SMIM28: variants seen among roughly 807,000 people sequenced by gnomAD.
SMIM28 encodes the protein small integral membrane protein 28.
intron 1 of SMIM28, among the ~76,000 whole-genome samples, chr6:138,380,245 T>C (rs1163293964): frequency 1.3e-5 from 2 of 152,222 alleles, no homozygotes; most frequent in Non-Finnish European, 2.9e-5. Flanking sequence ...TAGAACATTA[T>C]AGGAATTCAA....
rs561720723 is a variant in SMIM28, at chr6:138,382,254, G to A, written c.112-246G>A. On this transcript the variant is annotated intron_variant, in intron 1 of 1. Transcript: ENST00000573100. ...TCTACTAAAAATACAAAAATTAGCC[G>A]GGCGTGGTGGCGCATGCCTGTAATG... 1.1e-4 allele frequency among the ~76,000 whole-genome samples: 17 copies of A among 151,974 alleles called. No homozygotes were observed. The South Asian group carries it at 1.9e-3, about 17-fold the overall frequency.
At chr6:138,378,249 A>C in intron 1 of SMIM28, 66 bp downstream of exon 1, 5 of 397,960 alleles carry the variant, frequency 1.3e-5, no homozygotes, top group Non-Finnish European at 2.2e-5. Flanking sequence ...AATCCATAAT[A>C]TCTATGGTTT....
Position 138,382,916 on chromosome 6 carries a change from C to A in SMIM28, c.*69C>A. 2 of 398,170 alleles carry A rather than the reference C, an allele frequency of 5.0e-6. No individual in the cohort carries two copies. The highest frequency in any genetic ancestry group is 1.3e-4 in the South Asian group (1 of 7,496). 24.7% of individuals were successfully genotyped at this position (398,170 alleles called of 1,614,324 possible). A position where few individuals can be genotyped will look rare whatever the true frequency, so the allele number is the denominator to read the frequency against. ...GGGAATCATACAAAACACAGCTCTC[C>A]ACCTTTAATACAGCACCCATGAGAA... On this transcript the variant is annotated 3_prime_UTR_variant, in exon 2 of 2. Transcript: ENST00000573100.
chr6:138,383,156 G>T lies in SMIM28; in HGVS notation c.*309G>T. The stretch of plus-strand genomic sequence containing the variant: ...AGAAAAAAAGGAAAGTTCTATGTGA[G>T]TTGAAAAAAAAAAAAACACTTAATT... On this transcript the variant is annotated 3_prime_UTR_variant, in exon 2 of 2. Coordinates refer to ENST00000573100, the MANE Select transcript of SMIM28 (RefSeq NM_001368163.3). 13 of 168,714 alleles carry T rather than the reference G, an allele frequency of 7.7e-5. No homozygotes were observed. The highest frequency in any genetic ancestry group is 1.5e-4 in the East Asian group (1 of 6,816). 10.5% of individuals were successfully genotyped at this position (168,714 alleles called of 1,614,324 possible).
Position 138,382,937 on chromosome 6 carries a change from G to A in SMIM28, c.*90G>A. On this transcript the variant is annotated 3_prime_UTR_variant, in exon 2 of 2. Transcript: ENST00000573100. ...TCTCCACCTTTAATACAGCACCCAT[G>A]AGAAGAGGGAGAAGGGCCCCTAGAC... The A allele has an allele frequency of 2.5e-6, 1 of 397,592 alleles. No homozygotes were observed. 24.6% of individuals were successfully genotyped at this position (397,592 alleles called of 1,614,324 possible).
intron 1 of SMIM28, 110 bp downstream of exon 1, chr6:138,378,293 T>A (rs1774277191): frequency 2.5e-6 from 1 of 396,398 alleles, no homozygotes; most frequent in African/African-American, 2.1e-5. Flanking sequence ...GCATTTTGTC[T>A]TACAGCTATA....
At chr6:138,380,787 T>TA (rs398002930) in intron 1 of SMIM28, among the ~76,000 whole-genome samples, 129,265 of 151,222 alleles carry the variant, frequency 0.85, 56,690 homozygotes, top group Non-Finnish European at 0.95. Flanking sequence ...AATACATAAA[T>TA]AAATGCAGGC....
chr6:138,381,372 C>T (rs1373973859), intron 1 of SMIM28, among the ~76,000 whole-genome samples: 1 of 152,032 alleles, frequency 6.6e-6, no homozygotes, highest in East Asian at 1.9e-4. Context: ...TTCGTTATTT[C>T]TTAGTAGCCT....
intron 1 of SMIM28, among the ~76,000 whole-genome samples, chr6:138,378,400 A>G (rs1052677727): frequency 2.9e-4 from 44 of 152,310 alleles, no homozygotes; most frequent in African/African-American, 8.7e-4. Context: ...ACTTGGCACA[A>G]CTATATCCTA....
At chr6:138,382,438 A>C in intron 1 of SMIM28, 62 bp from the exon 2 acceptor site, 3 of 396,618 alleles carry the variant, frequency 7.6e-6, no homozygotes, top group Non-Finnish European at 1.3e-5. Context: ...AAGAAAAAAA[A>C]AAAAAGAAAT....
chr6:138,379,896 T>G (rs1774293642), intron 1 of SMIM28, among the ~76,000 whole-genome samples: 1 of 152,186 alleles, frequency 6.6e-6, no homozygotes, highest in South Asian at 2.1e-4. Context: ...GAATTTATAG[T>G]TTAGAAATTT....
chr6:138,381,662 C>T (rs550252685), intron 1 of SMIM28, among the ~76,000 whole-genome samples: 23 of 152,282 alleles, frequency 1.5e-4, no homozygotes, highest in African/African-American at 3.4e-4. Flanking sequence ...TCATCATACG[C>T]ACCATCAAAT....
chr6:138,380,683 C>A (rs1217769485), intron 1 of SMIM28, among the ~76,000 whole-genome samples: 1 of 152,000 alleles, frequency 6.6e-6, no homozygotes, highest in Non-Finnish European at 1.5e-5. Flanking sequence ...AGGAGAATGG[C>A]GTGAACCTGG....
At chr6:138,380,421 T>A (rs191970132) in intron 1 of SMIM28, among the ~76,000 whole-genome samples, 50 of 152,306 alleles carry the variant, frequency 3.3e-4, no homozygotes, top group African/African-American at 1.1e-3. Flanking sequence ...ACACACATAG[T>A]TATAAAGTCT....
At chr6:138,378,987 C>G (rs200613950) in intron 1 of SMIM28, among the ~76,000 whole-genome samples, 1 of 151,650 alleles carries the variant, frequency 6.6e-6, no homozygotes, top group Admixed American at 6.6e-5. Flanking sequence ...AAAACATCCC[C>G]GAACAACAAA....
chr6:138,381,174 G>A (rs911619310), intron 1 of SMIM28, among the ~76,000 whole-genome samples: 3 of 152,068 alleles, frequency 2.0e-5, no homozygotes, highest in African/African-American at 4.8e-5. Context: ...CCGAAGTCCT[G>A]GGATTACAGG....
Position 138,382,913 on chromosome 6 carries a change from C to G in SMIM28, c.*66C>G. ...CTTGGGAATCATACAAAACACAGCT[C>G]TCCACCTTTAATACAGCACCCATGA... On this transcript the variant is annotated 3_prime_UTR_variant, in exon 2 of 2. Transcript: ENST00000573100. 1 of 398,260 alleles carries G rather than the reference C, an allele frequency of 2.5e-6. No individual in the cohort carries two copies. The allele number at this position is 398,260 out of a possible 1,614,324, so 24.7% of individuals were successfully genotyped here. A position where few individuals can be genotyped will look rare whatever the true frequency, so the allele number is the denominator to read the frequency against.
rs1195740143 is a variant in SMIM28, at chr6:138,383,107, C to T, written c.*260C>T. ...AGGTTCTTCTAAAGATGACTGCACT[C>T]TCCTAAAATGTATAACACTCCTGAG... On this transcript the variant is annotated 3_prime_UTR_variant, in exon 2 of 2. Coordinates refer to ENST00000573100, the MANE Select transcript of SMIM28 (RefSeq NM_001368163.3). 3.4e-6 allele frequency: 1 copy of T among 298,248 alleles called. No homozygotes were observed. Among genetic ancestry groups the T allele is most frequent in the Admixed American group, 5.1e-5 (1 of 19,604 alleles). The allele number at this position is 298,248 out of a possible 1,614,324, so 18.5% of individuals were successfully genotyped here. A position where few individuals can be genotyped will look rare whatever the true frequency, so the allele number is the denominator to read the frequency against.
chr6:138,382,562 G>A lies in SMIM28; in HGVS notation c.174G>A (p.Pro58=), dbSNP rs578246062. ...DVEPFLCILL[P]ATILLFLAFL... is the part of the protein sequence containing the mutation. ...AGCCCTTCCTGTGCATCCTTCTGCC[G>A]GCCACCATCCTGCTCTTCCTGGCAT... Residue 58 remains proline, a synonymous_variant, in exon 2 of 2, where the codon CCG becomes CCA. Transcript: ENST00000573100. 171 of 398,894 alleles carry A rather than the reference G, an allele frequency of 4.3e-4. No individual in the cohort carries two copies. The highest frequency in any genetic ancestry group is 3.1e-3 in the African/African-American group (153 of 48,620). The allele number at this position is 398,894 out of a possible 1,614,324, so 24.7% of individuals were successfully genotyped here.
Sources: allele counts gnomAD v4.1 joint callset (sites outside exome capture counted in the v4.1 genomes callset), GRCh38; gene constraint gnomAD v4.1.1; transcripts MANE v1.5; gene names NCBI Gene and HGNC (gene_info 2026-07-23, HGNC 2026-07-21).